The following MACROH2A2 variants were observed in gnomAD, a reference collection of about 807,000 sequenced individuals.
MACROH2A2 encodes the protein macroH2A.2 histone.
MACROH2A2 carries 6 observed loss-of-function variants against 37.6 expected under a neutral mutation model. The ratio of observed to expected loss-of-function variants is 0.16; its 90% CI spans 0.09 to 0.32. The LOEUF (loss-of-function observed/expected upper bound fraction) is 0.32. Among genes scored for constraint, MACROH2A2 ranks in the 10% least tolerant of loss-of-function variants. The pLI is 1.00. For missense variants in MACROH2A2, 290 were observed against 485.9 expected (o/e 0.60, Z 3.79); for synonymous variants, 192 against 202.7 (o/e 0.95, Z 0.45).
intron 1 of MACROH2A2, among the ~76,000 whole-genome samples, chr10:70,059,382 T>C (rs965723874): frequency 6.6e-6 from 1 of 151,728 alleles, no homozygotes; most frequent in African/African-American, 2.4e-5. Context: ...ATTTCTTTTT[T>C]TTTTTTTTGA....
intron 3 of MACROH2A2, among the ~76,000 whole-genome samples, chr10:70,090,533 CTG>C (rs1422717030): frequency 2.6e-5 from 4 of 152,216 alleles, no homozygotes; most frequent in Admixed American, 6.5e-5. Flanking sequence ...TTAGAACTGA[CTG>C]TTTATATTCT....
chr10:70,074,742 T>TA (rs1301095461), intron 1 of MACROH2A2, among the ~76,000 whole-genome samples: 4 of 152,198 alleles, frequency 2.6e-5, no homozygotes, highest in African/African-American at 9.7e-5. Context: ...TCTACTGCCA[T>TA]ATAAGACGTG....
chr10:70,070,543 G>T (rs1331799013), intron 1 of MACROH2A2, among the ~76,000 whole-genome samples: 4 of 152,164 alleles, frequency 2.6e-5, no homozygotes, highest in Non-Finnish European at 5.9e-5. Flanking sequence ...CCCAGCAGGA[G>T]TGCAATGGTA....
intron 5 of MACROH2A2, among the ~76,000 whole-genome samples, chr10:70,095,313 A>C (rs947561688): frequency 3.3e-5 from 5 of 151,186 alleles, no homozygotes; most frequent in Non-Finnish European, 7.4e-5. Flanking sequence ...GCTTGCAGTG[A>C]GCCGAGATCA....
chr10:70,091,466 A>G (rs1427889380), intron 3 of MACROH2A2, among the ~76,000 whole-genome samples: 1 of 152,198 alleles, frequency 6.6e-6, no homozygotes, highest in Non-Finnish European at 1.5e-5. Context: ...ACCTGAGGTC[A>G]GCCGTTCGAG....
rs2072146726 is a variant in MACROH2A2 at position 70,077,528 on chromosome 10, C to T, written c.172+1698C>T. On this transcript the variant is annotated intron_variant, in intron 2 of 8. Transcript: ENST00000373255. Reference sequence around the variant, plus strand: ...CCCAGGAGTTGGAGGTTGCAGTGAGCTGAGATCACACCACTGCACTCCAGC... The same window carrying T: ...CCCAGGAGTTGGAGGTTGCAGTGAGTTGAGATCACACCACTGCACTCCAGC... 3.3e-5 allele frequency among the ~76,000 whole-genome samples: 5 copies of T among 151,946 alleles called. No individual in the cohort carries two copies. The South Asian group carries it at 8.3e-4, about 25-fold the overall frequency.
intron 1 of MACROH2A2, among the ~76,000 whole-genome samples, chr10:70,060,208 A>G (rs1308826802): frequency 6.6e-6 from 1 of 151,898 alleles, no homozygotes; most frequent in African/African-American, 2.4e-5. Flanking sequence ...CATCTCTACT[A>G]AAAACACAAA....
intron 7 of MACROH2A2, among the ~76,000 whole-genome samples, chr10:70,101,628 A>T (rs564193886): frequency 1.3e-5 from 2 of 151,594 alleles, no homozygotes; most frequent in African/African-American, 2.4e-5. Flanking sequence ...TTCCCCCAAC[A>T]AACCCCCTAA....
intron 1 of MACROH2A2, among the ~76,000 whole-genome samples, chr10:70,060,704 G>T (rs1436499177): frequency 6.6e-6 from 1 of 152,238 alleles, no homozygotes; most frequent in Non-Finnish European, 1.5e-5. Context: ...GCTCAGAGAA[G>T]TAAAGAATGT....
At chr10:70,087,287 G>A (rs2136632775) in intron 2 of MACROH2A2, among the ~76,000 whole-genome samples, 1 of 150,354 alleles carries the variant, frequency 6.7e-6, no homozygotes, top group Non-Finnish European at 1.5e-5. Context: ...AGGCTGGAGT[G>A]CGGTGGCCCA....
intron 2 of MACROH2A2, among the ~76,000 whole-genome samples, chr10:70,084,799 G>A (rs1308318078): frequency 6.6e-6 from 1 of 151,872 alleles, no homozygotes. Context: ...ACGGGGTTTC[G>A]CCGTGTTGCC....
At chr10:70,065,892 G>A (rs1178419486) in intron 1 of MACROH2A2, among the ~76,000 whole-genome samples, 1 of 152,210 alleles carries the variant, frequency 6.6e-6, no homozygotes, top group African/African-American at 2.4e-5. Flanking sequence ...GCCAAATGCT[G>A]AGCAGGGTTC....
intron 1 of MACROH2A2, among the ~76,000 whole-genome samples, chr10:70,054,475 G>C (rs1334209707): frequency 6.6e-6 from 1 of 152,170 alleles, no homozygotes; most frequent in Non-Finnish European, 1.5e-5. Flanking sequence ...AGTCCACCGC[G>C]GCAAATGGTT....
Position 70,111,791 on chromosome 10 carries a change from C to T in MACROH2A2, c.*108C>T, listed in dbSNP as rs2072377173. On this transcript the variant is annotated 3_prime_UTR_variant, in exon 9 of 9. Transcript: ENST00000373255. ...TGATGGCAGGGGAGTGGAGGGTGGC[C>T]GGGCAGGTCCTGCCGGCGCAGGGAG... is the stretch of plus-strand genomic sequence containing the variant. 4 of 944,616 alleles carry T rather than the reference C, an allele frequency of 4.2e-6. No homozygotes were observed. Among genetic ancestry groups the T allele is most frequent in the East Asian group, 6.0e-5 (2 of 33,080 alleles). 58.5% of individuals were successfully genotyped at this position (944,616 alleles called of 1,614,324 possible).
At chr10:70,090,255 A>G (rs770781938) in intron 3 of MACROH2A2, 89 bp downstream of exon 3, 2 of 800,406 alleles carry the variant, frequency 2.5e-6, no homozygotes, top group Non-Finnish European at 4.4e-6. Flanking sequence ...CACTCCTGCT[A>G]CAGTTCCCAA....
At chr10:70,086,272 T>C (rs2072210582) in intron 2 of MACROH2A2, among the ~76,000 whole-genome samples, 1 of 148,248 alleles carries the variant, frequency 6.7e-6, no homozygotes, top group African/African-American at 2.5e-5. Context: ...TTCTGTGATG[T>C]ATTATCTTTT....
At chr10:70,079,507 G>T (rs1025075486) in intron 2 of MACROH2A2, among the ~76,000 whole-genome samples, 1 of 151,858 alleles carries the variant, frequency 6.6e-6, no homozygotes, top group East Asian at 1.9e-4. Context: ...GGGCAGGGCA[G>T]CAGGCGCTAG....
chr10:70,079,368 G>A (rs2072159829), intron 2 of MACROH2A2, among the ~76,000 whole-genome samples: 1 of 151,920 alleles, frequency 6.6e-6, no homozygotes, highest in South Asian at 2.1e-4. Context: ...GGGGGGGCGG[G>A]TGAACTAGGG....
At chr10:70,071,161 A>G (rs540247576) in intron 1 of MACROH2A2, among the ~76,000 whole-genome samples, 6 of 152,192 alleles carry the variant, frequency 3.9e-5, no homozygotes, top group Non-Finnish European at 7.4e-5. Context: ...TCTCTGGTGG[A>G]AGCATGGTAG....
Sources: allele counts gnomAD v4.1 joint callset (sites outside exome capture counted in the v4.1 genomes callset), GRCh38; gene constraint gnomAD v4.1.1; transcripts MANE v1.5; gene names NCBI Gene and HGNC (gene_info 2026-07-23, HGNC 2026-07-21).